The following KCNN3 variants were observed in gnomAD, a reference collection of about 807,000 sequenced individuals.
KCNN3 encodes potassium calcium-activated channel subfamily N member 3, also known as small conductance calcium-activated potassium channel protein 3.
In KCNN3, 16 loss-of-function variants were observed where a neutral mutation model predicts 62.9. The observed-to-expected ratio is 0.25, with a 90% CI of 0.17 to 0.39. The LOEUF is 0.39. Among genes scored for constraint, KCNN3 ranks in the 10% least tolerant of loss-of-function variants. The pLI is 1.00. For synonymous variants in KCNN3, 370 were observed against 389.2 expected (o/e 0.95, Z 0.58); for missense variants, 599 against 949.4 (o/e 0.63, Z 4.85).
At chr1:154,714,241 G>GTGTTTGTGA (rs1700157739) in intron 6 of KCNN3, among the ~76,000 whole-genome samples, 1 of 137,544 alleles carries the variant, frequency 7.3e-6, no homozygotes, top group Non-Finnish European at 1.6e-5. Flanking sequence ...GGTGTGTGCG[G>GTGTTTGTGA]TGTGTATGGT....
At position 154,714,612 on chromosome 1, in the gene KCNN3, G is replaced by GTGTGTGTGTGTGTGT. The variant is rs1553227050; in HGVS notation, c.1829+263_1829+264insACACACACACACACA. Reference sequence around the variant, plus strand: ...ATGGTGTGTGTGATGTGTGGTGTGTGGTGTGTGTGTGTGTGTGTGTGTGTG... The same window carrying GTGTGTGTGTGTGTGT: ...ATGGTGTGTGTGATGTGTGGTGTGTGTGTGTGTGTGTGTGTGTGTGTGTGTGTGTGTGTGTGTGTG... On this transcript the variant is annotated intron_variant, in intron 6 of 7. Transcript: ENST00000271915. Among the ~76,000 whole-genome samples the GTGTGTGTGTGTGTGT allele has an allele frequency of 1.6e-3, 40 of 24,854 alleles. 2 individuals carry two copies. Among genetic ancestry groups the GTGTGTGTGTGTGTGT allele is most frequent in the Non-Finnish European group, 3.3e-3 (33 of 9,858 alleles). The allele number at this position is 24,854 out of a possible 152,430, so 16.3% of individuals were successfully genotyped here.
chr1:154,855,710 G>A (rs1276157431), intron 1 of KCNN3, among the ~76,000 whole-genome samples: 1 of 152,206 alleles, frequency 6.6e-6, no homozygotes, highest in Non-Finnish European at 1.5e-5. Flanking sequence ...ACGCATGACT[G>A]TATATCTGTG....
At chr1:154,739,067 A>G (rs1357427750) in intron 3 of KCNN3, among the ~76,000 whole-genome samples, 1 of 152,266 alleles carries the variant, frequency 6.6e-6, no homozygotes, top group African/African-American at 2.4e-5. Context: ...ATCAAAAGGT[A>G]GCAATACACA....
At chr1:154,769,088 C>G (rs1200485147) in intron 3 of KCNN3, among the ~76,000 whole-genome samples, 1 of 152,016 alleles carries the variant, frequency 6.6e-6, no homozygotes, top group African/African-American at 2.4e-5. Context: ...TTCCTCAACT[C>G]TCCCATGAGC....
At chr1:154,731,623 G>A (rs146712340) in intron 4 of KCNN3, among the ~76,000 whole-genome samples, 1 of 152,344 alleles carries the variant, frequency 6.6e-6, no homozygotes, top group Non-Finnish European at 1.5e-5. Context: ...TGCAGAAAGG[G>A]GTCACTGCCC....
chr1:154,712,818 A>G (rs1700106937), intron 7 of KCNN3, among the ~76,000 whole-genome samples: 1 of 152,180 alleles, frequency 6.6e-6, no homozygotes, highest in Non-Finnish European at 1.5e-5. Context: ...GTTTCCTTAC[A>G]GTATTTATGG....
At position 154,821,710 on chromosome 1, in the gene KCNN3, A is replaced by G. The variant is rs145747802; in HGVS notation, c.1029+379T>C. Reference sequence around the variant, plus strand: ...AAGGCAGGTCTGCCTCACTGAAGGGATGAACTGAGTGGCCCAAGTTCAGAA... The same window carrying G: ...AAGGCAGGTCTGCCTCACTGAAGGGGTGAACTGAGTGGCCCAAGTTCAGAA... On this transcript the variant is annotated intron_variant, in intron 2 of 7. Transcript: ENST00000271915. 3.4e-3 allele frequency among the ~76,000 whole-genome samples: 518 copies of G among 152,324 alleles called. 6 individuals are homozygous for G. The highest frequency in any genetic ancestry group is 0.012 in the African/African-American group (498 of 41,566).
At chr1:154,714,149 TG>T (rs1327120206) in intron 6 of KCNN3, among the ~76,000 whole-genome samples, 1 of 73,714 alleles carries the variant, frequency 1.4e-5, no homozygotes, top group African/African-American at 5.3e-5. Flanking sequence ...TGTTTGTGTG[TG>T]GTATGTATGG....
chr1:154,726,033 G>A lies in KCNN3; in HGVS notation c.1591-7C>T, dbSNP rs749106777. 8.1e-6 allele frequency: 13 copies of A among 1,608,980 alleles called. No individual in the cohort carries two copies. The highest frequency in any genetic ancestry group is 1.1e-5 in the Non-Finnish European group (13 of 1,175,708). On this transcript the variant is annotated splice_region_variant and splice_polypyrimidine_tract_variant and intron_variant, in intron 4 of 7. Coordinates refer to ENST00000271915, the MANE Select transcript of KCNN3 (RefSeq NM_002249.6). Reference sequence around the variant, plus strand: ...GGGCAGTGCAGCCTGCACCCTGCGGGGGGACATCAAGAGGACCAGAGGGGA... The same window carrying A: ...GGGCAGTGCAGCCTGCACCCTGCGGAGGGACATCAAGAGGACCAGAGGGGA...
intron 7 of KCNN3, among the ~76,000 whole-genome samples, chr1:154,712,359 C>T (rs1389765420): frequency 6.6e-6 from 1 of 152,086 alleles, no homozygotes; most frequent in African/African-American, 2.4e-5. Flanking sequence ...TCCTAGGAAC[C>T]ACCCTGCACT....
intron 1 of KCNN3, among the ~76,000 whole-genome samples, chr1:154,837,650 C>A (rs898677844): frequency 2.6e-5 from 4 of 152,188 alleles, no homozygotes; most frequent in African/African-American, 7.2e-5. Context: ...CTGGGGGTCC[C>A]TGGGCAGGAA....
chr1:154,714,740 A>C, intron 6 of KCNN3, 136 bp downstream of exon 6: 3 of 1,229,742 alleles, frequency 2.4e-6, no homozygotes, highest in Non-Finnish European at 3.6e-6. Context: ...GCAGTCAGTG[A>C]GTGATCAGAC....
chr1:154,770,562 C>T (rs1398016760), intron 3 of KCNN3, among the ~76,000 whole-genome samples: 2 of 152,158 alleles, frequency 1.3e-5, no homozygotes, highest in African/African-American at 4.8e-5. Context: ...ACACAGGATG[C>T]TTCACCATAC....
chr1:154,713,351 T>C (rs1700117784), intron 7 of KCNN3, 113 bp downstream of exon 7: 2 of 819,964 alleles, frequency 2.4e-6, no homozygotes, highest in East Asian at 5.0e-5. Context: ...AATTTTTCTT[T>C]GCTTGCCTGG....
intron 3 of KCNN3, among the ~76,000 whole-genome samples, chr1:154,746,612 T>C (rs567872950): frequency 1.3e-5 from 2 of 152,232 alleles, no homozygotes; most frequent in East Asian, 3.9e-4. Flanking sequence ...TTTTCTCCTT[T>C]GAAGCACTGT....
intron 1 of KCNN3, among the ~76,000 whole-genome samples, chr1:154,822,761 C>T (rs11264267): frequency 0.3 from 45,804 of 152,018 alleles, 7,283 homozygotes; most frequent in East Asian, 0.47. Flanking sequence ...AGAGAGAAGC[C>T]AGGAAGCACA....
At chr1:154,752,291 G>A (rs965065519) in intron 3 of KCNN3, among the ~76,000 whole-genome samples, 4 of 111,628 alleles carry the variant, frequency 3.6e-5, no homozygotes, top group Admixed American at 9.0e-5. Flanking sequence ...CCTCTAAAAC[G>A]AAGATCTACA....
rs537917102 is a variant in KCNN3 at position 154,814,052 on chromosome 1, G to A, written c.1029+8037C>T. Among the ~76,000 whole-genome samples, 23 of 152,360 alleles carry A rather than the reference G, an allele frequency of 1.5e-4. 1 individual carries two copies. In the East Asian group the frequency reaches 3.7e-3, roughly 24 times the overall value. ...ATCCAAGTGAAAAGGTGCTGGGATCGAGGTGGGCCTCCCAGAGAGTGGCAG... is the reference window on the plus strand; with the variant it reads ...ATCCAAGTGAAAAGGTGCTGGGATCAAGGTGGGCCTCCCAGAGAGTGGCAG... On this transcript the variant is annotated intron_variant, in intron 2 of 7. Transcript: ENST00000271915.
chr1:154,820,952 A>G (rs1014969053), intron 2 of KCNN3, among the ~76,000 whole-genome samples: 19 of 152,204 alleles, frequency 1.2e-4, no homozygotes, highest in Non-Finnish European at 2.4e-4. Context: ...CTGCGTCCGC[A>G]CTGCTGCTCC....
Sources: allele counts gnomAD v4.1 joint callset (sites outside exome capture counted in the v4.1 genomes callset), GRCh38; gene constraint gnomAD v4.1.1; transcripts MANE v1.5; gene names NCBI Gene and HGNC (gene_info 2026-07-23, HGNC 2026-07-21).